Variants in SLIT1 observed in about 807,000 individuals in gnomAD.
SLIT1 encodes slit homolog 1 protein.
A neutral mutation model predicts 186.1 loss-of-function variants in SLIT1; 66 were observed. That is an observed-to-expected ratio of 0.35 (90% CI 0.29 to 0.44). SLIT1 has a LOEUF of 0.44. Ranked by LOEUF, SLIT1 falls within the 20% of genes least tolerant of loss-of-function variation. The pLI, the probability that SLIT1 is intolerant of heterozygous loss-of-function variation, is 1.00. For synonymous variants in SLIT1, 761 were observed against 833.8 expected, an observed-to-expected ratio of 0.91 and a Z score of 1.50; for missense variants, 1,638 against 2,037.4, an observed-to-expected ratio of 0.80 and a Z score of 3.77.
rs1850056025 is a variant in SLIT1 at position 97,163,271 on chromosome 10, A to G, written c.341+109T>C. 4.6e-5 allele frequency: 41 copies of G among 895,128 alleles called. No homozygotes were observed. The East Asian group carries it at 9.0e-4, about 20-fold the overall frequency. The allele number at this position is 895,128 out of a possible 1,614,324, so 55.4% of individuals were successfully genotyped here. On this transcript the variant is annotated intron_variant, in intron 3 of 36. Transcript: ENST00000266058. ...ATCCGCTGGTGGAGGCAGGCTGGGC[A>G]TGGGGTCCCCTCCCATGAGTGCCCC... is the stretch of plus-strand genomic sequence containing the variant.
intron 3 of SLIT1, among the ~76,000 whole-genome samples, chr10:97,159,999 A>C (rs1850005677): frequency 6.6e-6 from 1 of 152,108 alleles, no homozygotes; most frequent in African/African-American, 2.4e-5. Flanking sequence ...CCATTACTGA[A>C]TGGTAGATGT....
In SLIT1 at chr10:97,112,018, C is replaced by A. The variant is rs186752493; in HGVS notation, c.413+45800G>T. On this transcript the variant is annotated intron_variant, in intron 4 of 36. Coordinates refer to ENST00000266058, the MANE Select transcript of SLIT1 (RefSeq NM_003061.3). ...TGAACGTGCCGAGCTTGCCCCTTCC[C>A]ACTCACACCCGCACCCTGACCTGAC... Among the ~76,000 whole-genome samples, 11 of 152,320 alleles carry A rather than the reference C, an allele frequency of 7.2e-5. No individual in the cohort carries two copies. In the East Asian group the frequency reaches 2.1e-3, roughly 29 times the overall value.
chr10:97,165,754 C>A (rs1373453352), intron 1 of SLIT1, among the ~76,000 whole-genome samples: 3 of 152,108 alleles, frequency 2.0e-5, no homozygotes, highest in Admixed American at 6.5e-5. Context: ...GGAGGGCAGT[C>A]CAGGAAGCGA....
intron 1 of SLIT1, among the ~76,000 whole-genome samples, chr10:97,169,510 GT>G (rs1455417232): frequency 6.6e-6 from 1 of 152,202 alleles, no homozygotes; most frequent in African/African-American, 2.4e-5. Context: ...CCAACAGGAG[GT>G]CCTCAATGTT....
At chr10:97,168,057 G>C (rs901554049) in intron 1 of SLIT1, among the ~76,000 whole-genome samples, 2 of 152,164 alleles carry the variant, frequency 1.3e-5, no homozygotes, top group Non-Finnish European at 2.9e-5. Flanking sequence ...ACACACACAT[G>C]AATACAGAAT....
chr10:97,064,078 T>C (rs1848920426), intron 7 of SLIT1, 90 bp downstream of exon 7: 1 of 1,066,726 alleles, frequency 9.4e-7, no homozygotes, highest in Non-Finnish European at 1.4e-6. Flanking sequence ...CTCCATGACC[T>C]GTCTGCAAAA....
At chr10:97,132,339 C>T (rs1447741241) in intron 4 of SLIT1, among the ~76,000 whole-genome samples, 1 of 152,220 alleles carries the variant, frequency 6.6e-6, no homozygotes, top group African/African-American at 2.4e-5. Flanking sequence ...CCCTCCCCAC[C>T]AGGTGACAGA....
chr10:97,167,484 A>C (rs560887660), intron 1 of SLIT1, among the ~76,000 whole-genome samples: 1 of 152,344 alleles, frequency 6.6e-6, no homozygotes, highest in Admixed American at 6.5e-5. Context: ...ATCTTTAACA[A>C]GTTAAATGGA....
At position 97,047,844 on chromosome 10, in the gene SLIT1, G is replaced by C. The variant is rs374629232; in HGVS notation, c.1490-10C>G. 7 of 1,613,672 alleles carry C rather than the reference G, an allele frequency of 4.3e-6. No homozygotes were observed. Among genetic ancestry groups the C allele is most frequent in the Non-Finnish European group, 5.9e-6 (7 of 1,179,750 alleles). ...TGGTAATCCTCCGTGCCTGCCATGA[G>C]AGGGTGGGGGCAGAGGCTGAGGAGC... On this transcript the variant is annotated splice_polypyrimidine_tract_variant and intron_variant, in intron 15 of 36. Coordinates refer to ENST00000266058, the MANE Select transcript of SLIT1 (RefSeq NM_003061.3).
At chr10:97,015,509 A>G (rs1237944543) in intron 28 of SLIT1, among the ~76,000 whole-genome samples, 1 of 152,246 alleles carries the variant, frequency 6.6e-6, no homozygotes, top group Non-Finnish European at 1.5e-5. Flanking sequence ...CAGTTTATTT[A>G]CATGAACAAA....
intron 4 of SLIT1, among the ~76,000 whole-genome samples, chr10:97,120,213 CAG>C (rs1491284118): frequency 6.6e-6 from 1 of 152,006 alleles, no homozygotes; most frequent in Non-Finnish European, 1.5e-5. Flanking sequence ...GGCAAGAAGA[CAG>C]TGTGCCAGGC....
intron 4 of SLIT1, among the ~76,000 whole-genome samples, chr10:97,150,144 TGGCTGGGGAGGGGC>T (rs977696343): frequency 4.6e-5 from 7 of 152,046 alleles, no homozygotes; most frequent in African/African-American, 1.7e-4. Context: ...AAGGAGGCTC[TGGCTGGGGAGGGGC>T]GGCTGGGAGC....
rs1387598876 is a variant in SLIT1 at position 97,021,535 on chromosome 10, C to G, written c.2583-122G>C. The G allele has an allele frequency of 1.3e-6, 1 of 796,578 alleles. No homozygotes were observed. Among genetic ancestry groups the G allele is most frequent in the East Asian group, 2.8e-5 (1 of 35,976 alleles). 49.3% of individuals were successfully genotyped at this position (796,578 alleles called of 1,614,324 possible). A position where few individuals can be genotyped will look rare whatever the true frequency, so the allele number is the denominator to read the frequency against. Reference sequence around the variant, plus strand: ...AAAATCTTAGCCTCCATTTCATGAGCATTTACTGTATAGTCAGTGCTGCTT... The same window carrying G: ...AAAATCTTAGCCTCCATTTCATGAGGATTTACTGTATAGTCAGTGCTGCTT... On this transcript the variant is annotated intron_variant, in intron 25 of 36. Transcript: ENST00000266058. The surrounding 1 kb of genome is among the most constrained non-coding windows in gnomAD (Gnocchi z 4.5).
chr10:97,037,786 G>A lies in SLIT1; in HGVS notation c.2298-20C>T, dbSNP rs780074168. 7.1e-5 allele frequency: 113 copies of A among 1,590,046 alleles called. No individual in the cohort carries two copies. The South Asian group carries it at 1.2e-3, about 17-fold the overall frequency. On this transcript the variant is annotated intron_variant, in intron 21 of 36. Coordinates refer to ENST00000266058, the MANE Select transcript of SLIT1 (RefSeq NM_003061.3). Reference sequence around the variant, plus strand: ...AAATAGCTGCAGAGAGAACACAGCGGCGTTAGTGCCCATCTCCACCTCTGG... The same window carrying A: ...AAATAGCTGCAGAGAGAACACAGCGACGTTAGTGCCCATCTCCACCTCTGG...
intron 4 of SLIT1, among the ~76,000 whole-genome samples, chr10:97,131,035 A>G (rs1314866194): frequency 6.6e-6 from 1 of 152,186 alleles, no homozygotes; most frequent in Non-Finnish European, 1.5e-5. Flanking sequence ...GCCAGGACAT[A>G]GAACAGAGCC....
intron 4 of SLIT1, among the ~76,000 whole-genome samples, chr10:97,148,330 C>T (rs1361693496): frequency 2.0e-5 from 3 of 151,844 alleles, no homozygotes; most frequent in African/African-American, 7.2e-5. Flanking sequence ...GCTCTGTCAC[C>T]CAGACTGGAG....
intron 28 of SLIT1, among the ~76,000 whole-genome samples, chr10:97,016,080 G>C (rs561373714): frequency 6.6e-6 from 1 of 152,296 alleles, no homozygotes; most frequent in East Asian, 1.9e-4. Flanking sequence ...AGGCCAAGGT[G>C]GGTGGATCCC....
chr10:97,125,839 A>G (rs1049423641), intron 4 of SLIT1, among the ~76,000 whole-genome samples: 45 of 151,334 alleles, frequency 3.0e-4, no homozygotes, highest in Non-Finnish European at 5.3e-4. Context: ...ACTGTCTCAA[A>G]ACAAAAACAA....
chr10:97,044,968 G>C (rs1372979518), intron 18 of SLIT1, among the ~76,000 whole-genome samples: 5 of 152,208 alleles, frequency 3.3e-5, no homozygotes, highest in Admixed American at 6.5e-5. Context: ...AATGGAGTTA[G>C]TGCCCTTATC....
Sources: allele counts gnomAD v4.1 joint callset (sites outside exome capture counted in the v4.1 genomes callset), GRCh38; gene constraint gnomAD v4.1.1; non-coding constraint Gnocchi (gnomAD v3.1); transcripts MANE v1.5; gene names NCBI Gene and HGNC (gene_info 2026-07-23, HGNC 2026-07-21).